The following MAN1A2 variants were observed in gnomAD, a reference collection of about 807,000 sequenced individuals.
The protein encoded by MAN1A2 is mannosyl-oligosaccharide 1,2-alpha-mannosidase IB.
Under a neutral mutation model 75.7 loss-of-function variants are expected in MAN1A2, and 26 were observed. The observed-to-expected ratio is 0.34, with a 90% CI of 0.25 to 0.48. The LOEUF (loss-of-function observed/expected upper bound fraction) is 0.48, where lower values mean the gene tolerates loss of function less well. Ranked by LOEUF, MAN1A2 falls within the 20% of genes least tolerant of loss-of-function variation. MAN1A2 has a pLI of 0.99. For missense variants in MAN1A2, 562 were observed against 775.5 expected (o/e 0.72, Z 3.27); for synonymous variants, 247 against 264.6 (o/e 0.93, Z 0.65).
Position 117,367,992 on chromosome 1 carries a change from G to C in MAN1A2, c.-192G>C. 1 of 578,938 alleles carries C rather than the reference G, an allele frequency of 1.7e-6. No individual in the cohort carries two copies. The highest frequency in any genetic ancestry group is 2.2e-5 in the South Asian group (1 of 44,602). The allele number at this position is 578,938 out of a possible 1,614,324, so 35.9% of individuals were successfully genotyped here. A position where few individuals can be genotyped will look rare whatever the true frequency, so the allele number is the denominator to read the frequency against. On this transcript the variant is annotated 5_prime_UTR_variant, in exon 1 of 13. Transcript: ENST00000356554. ...GACCTAAACTTGTGATCGTTTGGGG[G>C]AGGTCACACACGTTTCTGAGTGGGA... is the stretch of plus-strand genomic sequence containing the variant.
chr1:117,430,230 C>T (rs540552506), intron 5 of MAN1A2, among the ~76,000 whole-genome samples: 8,129 of 112,404 alleles, frequency 0.072, 103 homozygotes, highest in Non-Finnish European at 0.092. Flanking sequence ...ACCTCCCTCC[C>T]GGACGGCACG....
At chr1:117,408,429 T>C (rs1647688945) in intron 3 of MAN1A2, among the ~76,000 whole-genome samples, 1 of 152,146 alleles carries the variant, frequency 6.6e-6, no homozygotes, top group Admixed American at 6.5e-5. Flanking sequence ...AAAAGTATTC[T>C]TTGATTTTGC....
At chr1:117,481,474 G>T (rs563627394) in intron 8 of MAN1A2, among the ~76,000 whole-genome samples, 2 of 152,048 alleles carry the variant, frequency 1.3e-5, no homozygotes, top group South Asian at 4.1e-4. Flanking sequence ...AATGTACTAG[G>T]TATTGCTGTA....
chr1:117,410,624 A>C (rs536895921), intron 3 of MAN1A2, among the ~76,000 whole-genome samples: 3 of 113,860 alleles, frequency 2.6e-5, no homozygotes, highest in Non-Finnish European at 6.3e-5. Flanking sequence ...AAAGAAAAAG[A>C]AAAAAAAAAA....
chr1:117,374,664 G>A (rs1653083411), intron 1 of MAN1A2, among the ~76,000 whole-genome samples: 1 of 152,178 alleles, frequency 6.6e-6, no homozygotes, highest in Non-Finnish European at 1.5e-5. Flanking sequence ...GTCCTTGGTT[G>A]TTGAAGTATA....
At chr1:117,450,289 T>A in intron 6 of MAN1A2, among the ~76,000 whole-genome samples, 1 of 152,178 alleles carries the variant, frequency 6.6e-6, no homozygotes, top group East Asian at 1.9e-4. Context: ...TGTGGAGCCT[T>A]GAACTTGAGA....
chr1:117,525,823 A>G lies in MAN1A2; in HGVS notation c.*2866A>G, dbSNP rs1373574791. The G allele has an allele frequency of 6.6e-6, 1 of 151,812 alleles. No homozygotes were observed. The highest frequency in any genetic ancestry group is 6.6e-5 in the Admixed American group (1 of 15,194). 9.4% of individuals were successfully genotyped at this position (151,812 alleles called of 1,614,324 possible). ...CAAAAAGAAGTCTCAACTCAGAAAA[A>G]TAAGTCCCCAGTCAGGTGGTTCTTA... is the stretch of plus-strand genomic sequence containing the variant. On this transcript the variant is annotated 3_prime_UTR_variant, in exon 13 of 13. Transcript: ENST00000356554.
At chr1:117,471,944 TAC>T (rs1347601303) in intron 8 of MAN1A2, among the ~76,000 whole-genome samples, 1 of 151,778 alleles carries the variant, frequency 6.6e-6, no homozygotes, top group Non-Finnish European at 1.5e-5. Context: ...GTCTATAAAA[TAC>T]ATTGTAATAA....
intron 5 of MAN1A2, among the ~76,000 whole-genome samples, chr1:117,428,808 A>T (rs12045086): frequency 0.19 from 16,636 of 85,494 alleles, 1,361 homozygotes; most frequent in East Asian, 0.53. Context: ...TTTTTTTTTT[A>T]AATTTATTTT....
chr1:117,391,357 T>G (rs1009022496), intron 1 of MAN1A2, among the ~76,000 whole-genome samples: 8 of 152,224 alleles, frequency 5.3e-5, no homozygotes, highest in African/African-American at 1.7e-4. Context: ...ATTTTCCTTC[T>G]ATTTTGATCA....
intron 3 of MAN1A2, among the ~76,000 whole-genome samples, chr1:117,412,522 G>T (rs2101768392): frequency 2.0e-5 from 3 of 150,420 alleles, no homozygotes; most frequent in East Asian, 1.9e-4. Flanking sequence ...CTATTATTTT[G>T]CTCAAATTTG....
chr1:117,516,733 A>G (rs1038804967), intron 12 of MAN1A2, among the ~76,000 whole-genome samples: 2 of 152,172 alleles, frequency 1.3e-5, no homozygotes, highest in Non-Finnish European at 2.9e-5. Flanking sequence ...TTTCCAGGAC[A>G]TGATACAGGG....
At chr1:117,448,185 C>T (rs1013256717) in intron 6 of MAN1A2, among the ~76,000 whole-genome samples, 1 of 152,062 alleles carries the variant, frequency 6.6e-6, no homozygotes, top group Non-Finnish European at 1.5e-5. Flanking sequence ...TGCGGCAATT[C>T]TGAACGGGAG....
intron 5 of MAN1A2, among the ~76,000 whole-genome samples, chr1:117,429,603 G>T (rs1253828721): frequency 6.2e-5 from 6 of 97,190 alleles, no homozygotes; most frequent in Admixed American, 9.6e-5. Context: ...CCTCCCTCCC[G>T]GATGGGGCGG....
chr1:117,388,525 G>A (rs1653614712), intron 1 of MAN1A2, among the ~76,000 whole-genome samples: 1 of 152,174 alleles, frequency 6.6e-6, no homozygotes, highest in African/African-American at 2.4e-5. Flanking sequence ...GGCAGAAAGT[G>A]AAGGGCGGGG....
At chr1:117,445,880 G>GTATATATATATATATATATATATATA (rs771435341) in intron 6 of MAN1A2, among the ~76,000 whole-genome samples, 4 of 125,990 alleles carry the variant, frequency 3.2e-5, no homozygotes, top group Admixed American at 7.9e-5. Context: ...GTGTCTGTGT[G>GTATATATATATATATATATATATATA]TGTGTATATA....
chr1:117,425,486 A>G (rs1353457047), intron 5 of MAN1A2, among the ~76,000 whole-genome samples: 1 of 152,184 alleles, frequency 6.6e-6, no homozygotes, highest in East Asian at 1.9e-4. Flanking sequence ...GCAATATATA[A>G]AAAGGGTAAT....
chr1:117,458,520 T>TAGATATAG lies in MAN1A2; in HGVS notation c.951-1968_951-1967insGATATAGA, dbSNP rs1161130597. Among the ~76,000 whole-genome samples the TAGATATAG allele has an allele frequency of 3.5e-4, 34 of 98,416 alleles. No homozygotes were observed. In the East Asian group the frequency reaches 5.0e-3, roughly 15 times the overall value. 64.6% of individuals were successfully genotyped at this position (98,416 alleles called of 152,430 possible). A position where few individuals can be genotyped will look rare whatever the true frequency, so the allele number is the denominator to read the frequency against. ...ATCTATATATATATATAGATATATA[T>TAGATATAG]ATATTTTTTTTTTTTTTTTTGAGAC... On this transcript the variant is annotated intron_variant, in intron 6 of 12. Transcript: ENST00000356554.
chr1:117,459,974 C>G lies in MAN1A2; in HGVS notation c.951-515C>G, dbSNP rs76502034. Among the ~76,000 whole-genome samples, 87 of 151,448 alleles carry G rather than the reference C, an allele frequency of 5.7e-4. 1 individual carries two copies. The East Asian group carries it at 0.011, about 18-fold the overall frequency. ...GAGGTTGCACATTCAAATTTTGAGACAACTCAAAATGCTCCCACACATTTT... is the reference window on the plus strand; with the variant it reads ...GAGGTTGCACATTCAAATTTTGAGAGAACTCAAAATGCTCCCACACATTTT... On this transcript the variant is annotated intron_variant, in intron 6 of 12. Coordinates refer to ENST00000356554, the MANE Select transcript of MAN1A2 (RefSeq NM_006699.5).
Sources: allele counts gnomAD v4.1 joint callset (sites outside exome capture counted in the v4.1 genomes callset), GRCh38; gene constraint gnomAD v4.1.1; transcripts MANE v1.5; gene names NCBI Gene and HGNC (gene_info 2026-07-23, HGNC 2026-07-21).